The following FHIT variants were observed in gnomAD, a reference collection of about 807,000 sequenced individuals.
FHIT encodes the protein fragile histidine triad diadenosine triphosphatase, also known as bis(5'-adenosyl)-triphosphatase.
In FHIT, 19 loss-of-function variants were observed where a neutral mutation model predicts 17.9. That is an observed-to-expected ratio of 1.06 (90% CI 0.74 to 1.56). The LOEUF (loss-of-function observed/expected upper bound fraction) is 1.56. Among genes scored for constraint, FHIT ranks in the 40% most tolerant of loss-of-function variants. FHIT has a pLI of 0.00. For missense variants in FHIT, 248 were observed against 189.2 expected (o/e 1.31, Z -1.82); for synonymous variants, 81 against 69.7 (o/e 1.16, Z -0.81).
chr3:60,013,727 G>A (rs1700227643), intron 6 of FHIT, among the ~76,000 whole-genome samples: 1 of 152,156 alleles, frequency 6.6e-6, no homozygotes, highest in Admixed American at 6.5e-5. Context: ...CCCAGTTCCA[G>A]TAAGCAATTT....
rs370910752 is a variant in FHIT at position 60,421,958 on chromosome 3, G to C, written c.103+114902C>G. ...GCTATCAGCCTGCAGCAAGGTTGTA[G>C]AGGCAAAGGTAAAAGATTAGAGATT... On this transcript the variant is annotated intron_variant, in intron 5 of 9. Transcript: ENST00000492590. Among the ~76,000 whole-genome samples the C allele has an allele frequency of 2.6e-5, 4 of 152,154 alleles. No individual in the cohort carries two copies. The East Asian group carries it at 5.8e-4, about 22-fold the overall frequency.
Position 60,253,465 on chromosome 3 carries a change from T to C in FHIT, c.104-239313A>G, listed in dbSNP as rs548080688. Among the ~76,000 whole-genome samples the C allele has an allele frequency of 2.3e-3, 353 of 152,288 alleles. 1 individual carries two copies. The highest frequency in any genetic ancestry group is 8.0e-3 in the African/African-American group (334 of 41,568). ...GGCAACAATTACAAAAATGTACCAGTAAGGATATAATATCAAATGTCTATA... is the reference window on the plus strand; with the variant it reads ...GGCAACAATTACAAAAATGTACCAGCAAGGATATAATATCAAATGTCTATA... On this transcript the variant is annotated intron_variant, in intron 5 of 9. Transcript: ENST00000492590.
chr3:60,751,365 A>AT (rs548211576), intron 4 of FHIT, among the ~76,000 whole-genome samples: 3 of 151,996 alleles, frequency 2.0e-5, no homozygotes, highest in Non-Finnish European at 2.9e-5. Flanking sequence ...GTTCTCAAAT[A>AT]TTTTTTTTAC....
chr3:60,682,581 C>T (rs1553697196), intron 4 of FHIT, among the ~76,000 whole-genome samples: 1 of 152,186 alleles, frequency 6.6e-6, no homozygotes, highest in East Asian at 1.9e-4. Context: ...TAAGCCCTCT[C>T]TTGAGACCTA....
intron 5 of FHIT, among the ~76,000 whole-genome samples, chr3:60,430,954 G>C (rs1050485848): frequency 6.6e-6 from 1 of 151,984 alleles, no homozygotes; most frequent in African/African-American, 2.4e-5. Flanking sequence ...GCTCACACCT[G>C]CAACCCCAGC....
intron 8 of FHIT, among the ~76,000 whole-genome samples, chr3:59,828,977 G>A (rs923368157): frequency 6.6e-6 from 1 of 151,764 alleles, no homozygotes; most frequent in Non-Finnish European, 1.5e-5. Context: ...CTTAATTTGT[G>A]TTTCAAAGCC....
intron 4 of FHIT, among the ~76,000 whole-genome samples, chr3:60,751,008 C>A (rs2042455164): frequency 6.6e-6 from 1 of 152,208 alleles, no homozygotes; most frequent in Admixed American, 6.5e-5. Flanking sequence ...CACTCAGGGT[C>A]CTTCCTCCCT....
intron 4 of FHIT, among the ~76,000 whole-genome samples, chr3:60,592,733 C>A (rs1576937841): frequency 6.6e-6 from 1 of 152,204 alleles, no homozygotes; most frequent in South Asian, 2.1e-4. Flanking sequence ...GAAATGTAAT[C>A]CTTCCTCTAG....
intron 8 of FHIT, among the ~76,000 whole-genome samples, chr3:59,790,038 A>G (rs1328399077): frequency 6.6e-6 from 1 of 152,158 alleles, no homozygotes; most frequent in African/African-American, 2.4e-5. Context: ...TCTGTTATCC[A>G]CTGCTATTTT....
At chr3:61,044,569 A>T (rs1046986194) in intron 2 of FHIT, among the ~76,000 whole-genome samples, 2 of 152,092 alleles carry the variant, frequency 1.3e-5, no homozygotes, top group African/African-American at 4.8e-5. Flanking sequence ...GCAGGATATT[A>T]TCCAGGAGAA....
intron 5 of FHIT, among the ~76,000 whole-genome samples, chr3:60,307,762 G>T (rs563761546): frequency 2.7e-4 from 41 of 152,114 alleles, no homozygotes; most frequent in Admixed American, 4.6e-4. Context: ...CTGGGAGAGA[G>T]CTGTTTCCCT....
In FHIT at chr3:60,016,841, G is replaced by A. The variant is rs115916370; in HGVS notation, c.104-2689C>T. 2.9e-3 allele frequency among the ~76,000 whole-genome samples: 448 copies of A among 152,082 alleles called. 1 individual carries two copies. Among genetic ancestry groups the A allele is most frequent in the African/African-American group, 0.01 (432 of 41,428 alleles). On this transcript the variant is annotated intron_variant, in intron 5 of 9. Transcript: ENST00000492590. ...TTAGCTTCAAAGAAAGTTGTTAAGC[G>A]TTCCTCCTTTGGCCCAAATCACCAT...
chr3:60,861,269 C>CATATATGATACATATGATATATCAT (rs1703869855), intron 3 of FHIT, among the ~76,000 whole-genome samples: 1 of 34,656 alleles, frequency 2.9e-5, no homozygotes, highest in Non-Finnish European at 5.4e-5. Context: ...TATATCATAT[C>CATATATGATACATATGATATATCAT]ATATATCTTT....
At chr3:60,574,939 C>T (rs77121744) in intron 4 of FHIT, among the ~76,000 whole-genome samples, 42 of 151,362 alleles carry the variant, frequency 2.8e-4, no homozygotes, top group African/African-American at 1.0e-3. Flanking sequence ...ATGCTTGTCT[C>T]TCCAGTTGAC....
At chr3:60,381,590 G>C (rs1202440175) in intron 5 of FHIT, among the ~76,000 whole-genome samples, 1 of 152,086 alleles carries the variant, frequency 6.6e-6, no homozygotes, top group African/African-American at 2.4e-5. Context: ...GAACAGGAAA[G>C]AGAACATATT....
At chr3:60,442,888 A>T (rs902395529) in intron 5 of FHIT, among the ~76,000 whole-genome samples, 2 of 152,056 alleles carry the variant, frequency 1.3e-5, no homozygotes, top group Non-Finnish European at 2.9e-5. Flanking sequence ...CATGATATTG[A>T]TTCTTCCTAC....
rs1553758690 is a variant in FHIT, at chr3:60,884,158, G to GGGAAA, written c.-110-62148_-110-62147insTTTCC. 2.0e-5 allele frequency among the ~76,000 whole-genome samples: 3 copies of GGGAAA among 152,034 alleles called. No homozygotes were observed. In the East Asian group the frequency reaches 5.8e-4, roughly 29 times the overall value. ...CAGGGAAATGCAAATCACAACCACA[G>GGGAAA]TGAGATACCATCTCACCACAGTTAT... On this transcript the variant is annotated intron_variant, in intron 3 of 9. Transcript: ENST00000492590.
chr3:60,119,474 TC>T (rs1705147482), intron 5 of FHIT, among the ~76,000 whole-genome samples: 1 of 152,208 alleles, frequency 6.6e-6, no homozygotes, highest in Non-Finnish European at 1.5e-5. Flanking sequence ...ACTCATTTTT[TC>T]CAAAATATGA....
At chr3:60,533,841 T>C (rs895499640) in intron 5 of FHIT, among the ~76,000 whole-genome samples, 1 of 152,140 alleles carries the variant, frequency 6.6e-6, no homozygotes, top group Admixed American at 6.5e-5. Flanking sequence ...TCCTTATTGG[T>C]TTATTAACAA....
Sources: gnomAD v4.1 joint callset for allele counts (sites outside exome capture counted in the v4.1 genomes callset) on GRCh38, gnomAD v4.1.1 for gene constraint, MANE v1.5 for transcripts, NCBI Gene and HGNC (gene_info 2026-07-23, HGNC 2026-07-21) for gene names.